FHOD3: variants seen among roughly 807,000 people sequenced by gnomAD.
FHOD3 encodes the protein FH1/FH2 domain-containing protein 3.
A neutral mutation model predicts 173.0 loss-of-function variants in FHOD3; 90 were observed. The ratio of observed to expected loss-of-function variants is 0.52; its 90% CI spans 0.44 to 0.62. The LOEUF (loss-of-function observed/expected upper bound fraction) is 0.62, where lower values mean the gene tolerates loss of function less well. FHOD3 is among the 20% of genes least tolerant of loss of function. FHOD3 has a pLI of 0.00. For synonymous variants in FHOD3, 828 were observed against 823.0 expected (o/e 1.01, Z -0.10); for missense variants, 1,945 against 2,034.7 (o/e 0.96, Z 0.85).
At chr18:36,665,252 A>G (rs2037098889) in intron 14 of FHOD3, among the ~76,000 whole-genome samples, 1 of 152,214 alleles carries the variant, frequency 6.6e-6, no homozygotes, top group South Asian at 2.1e-4. Context: ...TGTATGTAGG[A>G]TACACAAGTC....
chr18:36,442,468 A>T (rs556358621), intron 3 of FHOD3, among the ~76,000 whole-genome samples: 1 of 152,320 alleles, frequency 6.6e-6, no homozygotes, highest in South Asian at 2.1e-4. Context: ...ACTTCTCAGG[A>T]TTGACACACA....
At chr18:36,561,950 T>TA (rs1357154318) in intron 5 of FHOD3, among the ~76,000 whole-genome samples, 7 of 151,732 alleles carry the variant, frequency 4.6e-5, no homozygotes, top group African/African-American at 1.2e-4. Context: ...AAGTGACTAC[T>TA]ACTACACTGT....
intron 4 of FHOD3, among the ~76,000 whole-genome samples, chr18:36,502,528 A>G (rs913389837): frequency 6.6e-6 from 1 of 152,114 alleles, no homozygotes; most frequent in African/African-American, 2.4e-5. Context: ...GTTTTCTGAG[A>G]ATGATGGTTT....
At chr18:36,380,185 C>A (rs1291084001) in intron 3 of FHOD3, among the ~76,000 whole-genome samples, 1 of 151,988 alleles carries the variant, frequency 6.6e-6, no homozygotes, top group Non-Finnish European at 1.5e-5. Context: ...CATCTCAAGC[C>A]CATATACTGG....
intron 5 of FHOD3, among the ~76,000 whole-genome samples, chr18:36,574,668 CAA>C (rs1239542091): frequency 6.6e-6 from 1 of 151,972 alleles, no homozygotes; most frequent in Non-Finnish European, 1.5e-5. Flanking sequence ...CAAATTATGA[CAA>C]TATGTATTTC....
rs779787001 is a variant in FHOD3 at position 36,747,034 on chromosome 18, T to G, written c.4131T>G (p.His1377Gln). 2 of 1,614,096 alleles carry G rather than the reference T, an allele frequency of 1.2e-6. No homozygotes were observed. Among genetic ancestry groups the G allele is most frequent in the South Asian group, 1.1e-5 (1 of 91,066 alleles). The change falls in exon 24 of 29, where the codon CAT becomes CAG. Residue 1377 changes from histidine to glutamine, a missense_variant. Around this residue, in one of 5 missense-constraint regions of FHOD3, gnomAD observed 354 missense variants for 359.9 expected, o/e 0.98. Transcript: ENST00000590592. ...ATCACCTCAAGGCAATTGCAAAACA[T>G]GAAATGAAACCAGTTTTAAAACAAC... ...SWDHLKAIAK[H>Q]EMKPVLKQRM...
At chr18:36,342,805 G>A (rs1037892066) in intron 1 of FHOD3, among the ~76,000 whole-genome samples, 3 of 152,164 alleles carry the variant, frequency 2.0e-5, no homozygotes, top group African/African-American at 7.2e-5. Flanking sequence ...GAATAAATAA[G>A]AAGCTCTTAC....
intron 17 of FHOD3, among the ~76,000 whole-genome samples, chr18:36,704,553 T>C (rs551410755): frequency 1.3e-5 from 2 of 152,320 alleles, no homozygotes; most frequent in East Asian, 3.9e-4. Context: ...GTGGCATCTC[T>C]TGACCTGCTG....
chr18:36,649,624 C>A (rs906683617), intron 11 of FHOD3, among the ~76,000 whole-genome samples: 1 of 152,162 alleles, frequency 6.6e-6, no homozygotes, highest in Non-Finnish European at 1.5e-5. Flanking sequence ...TCCTACCTTC[C>A]TAACCACACT....
chr18:36,771,979 A>G (rs2043405352), intron 28 of FHOD3, among the ~76,000 whole-genome samples: 1 of 152,204 alleles, frequency 6.6e-6, no homozygotes, highest in African/African-American at 2.4e-5. Flanking sequence ...CAGAGATCCA[A>G]ATTCTTAGAC....
chr18:36,747,032 C>T lies in FHOD3; in HGVS notation c.4129C>T (p.His1377Tyr), dbSNP rs201721037. ...GGATCACCTCAAGGCAATTGCAAAA[C>T]ATGAAATGAAACCAGTTTTAAAACA... ...SWDHLKAIAK[H>Y]EMKPVLKQRM... Residue 1377 changes from histidine to tyrosine, a missense_variant, in exon 24 of 29, where the codon CAT becomes TAT. His to Tyr is a moderately conservative substitution (Grantham distance 83). Around this residue, in one of 5 missense-constraint regions of FHOD3, gnomAD observed 354 missense variants for 359.9 expected, o/e 0.98. Coordinates refer to ENST00000590592, the MANE Select transcript of FHOD3 (RefSeq NM_001281740.3). 7 of 1,613,894 alleles carry T rather than the reference C, an allele frequency of 4.3e-6. No individual in the cohort carries two copies. In the Admixed American group the frequency reaches 1.2e-4, roughly 27 times the overall value.
chr18:36,298,142 C>G, intron 1 of FHOD3, 142 bp downstream of exon 1: 1 of 715,904 alleles, frequency 1.4e-6, no homozygotes, highest in Non-Finnish European at 2.1e-6. Context: ...GGCAAATCCC[C>G]CTCCCCGTTA....
chr18:36,737,580 G>A (rs543106164), intron 20 of FHOD3, among the ~76,000 whole-genome samples: 21 of 152,318 alleles, frequency 1.4e-4, no homozygotes, highest in Admixed American at 7.2e-4. Flanking sequence ...GAGCCCTGGT[G>A]AAGGGAAAGT....
At chr18:36,394,263 A>G (rs567570710) in intron 3 of FHOD3, among the ~76,000 whole-genome samples, 2 of 152,326 alleles carry the variant, frequency 1.3e-5, no homozygotes, top group African/African-American at 4.8e-5. Context: ...TTCCCAGATG[A>G]AAGTCATTAT....
chr18:36,678,805 G>A (rs994822948), intron 14 of FHOD3, among the ~76,000 whole-genome samples: 3 of 152,000 alleles, frequency 2.0e-5, no homozygotes, highest in Non-Finnish European at 2.9e-5. Context: ...CCTTACATTT[G>A]TTGGGCAAAC....
rs1480290565 is a variant in FHOD3, at chr18:36,625,765, G to A, written c.1196+16G>A. ...TGCGTGAAAAGTAAGCATTAACTTG[G>A]CAGTGGAGAGGGGTGCAAGGATGCC... On this transcript the variant is annotated intron_variant, in intron 10 of 28. Coordinates refer to ENST00000590592, the MANE Select transcript of FHOD3 (RefSeq NM_001281740.3). The A allele has an allele frequency of 1.3e-6, 2 of 1,585,654 alleles. No homozygotes were observed. Among genetic ancestry groups the A allele is most frequent in the Non-Finnish European group, 1.7e-6 (2 of 1,160,760 alleles).
intron 3 of FHOD3, among the ~76,000 whole-genome samples, chr18:36,449,980 GTTC>G (rs2051728820): frequency 6.6e-6 from 1 of 152,092 alleles, no homozygotes; most frequent in East Asian, 1.9e-4. Flanking sequence ...ACATGAATAA[GTTC>G]TTCAGTGGTG....
intron 10 of FHOD3, among the ~76,000 whole-genome samples, chr18:36,638,597 C>T (rs2035058023): frequency 6.6e-6 from 1 of 152,160 alleles, no homozygotes; most frequent in Non-Finnish European, 1.5e-5. Context: ...ACATTGATAA[C>T]TTAGACCAGG....
intron 3 of FHOD3, among the ~76,000 whole-genome samples, chr18:36,492,364 G>A (rs1456044032): frequency 1.3e-5 from 2 of 151,906 alleles, no homozygotes; most frequent in Non-Finnish European, 2.9e-5. Context: ...CATGGTTTGG[G>A]GACATGTCTG....
Sources: allele counts gnomAD v4.1 joint callset (sites outside exome capture counted in the v4.1 genomes callset), GRCh38; gene constraint gnomAD v4.1.1; regional missense constraint gnomAD v4.1.1; transcripts MANE v1.5; gene names NCBI Gene and HGNC (gene_info 2026-07-23, HGNC 2026-07-21).